SOX5: variants seen among roughly 807,000 people sequenced by gnomAD.
SOX5 encodes SRY-box transcription factor 5, also known as transcription factor SOX-5.
Under a neutral mutation model 92.0 loss-of-function variants are expected in SOX5, and 9 were observed. That is an observed-to-expected ratio of 0.10 (90% CI 0.06 to 0.17). The LOEUF is 0.17. Among genes scored for constraint, SOX5 ranks in the 10% least tolerant of loss-of-function variants. SOX5 has a pLI of 1.00. For missense variants in SOX5, 642 were observed against 944.5 expected (o/e 0.68, Z 4.20); for synonymous variants, 344 against 336.3 (o/e 1.02, Z -0.25).
chr12:24,179,580 T>C (rs1290238555), intron 4 of SOX5, among the ~76,000 whole-genome samples: 4 of 152,340 alleles, frequency 2.6e-5, no homozygotes, highest in East Asian at 1.9e-4. Context: ...CATCCCATCA[T>C]GTATACAAAA....
chr12:24,389,443 C>T (rs1005314327), intron 1 of SOX5, among the ~76,000 whole-genome samples: 2 of 152,104 alleles, frequency 1.3e-5, no homozygotes, highest in African/African-American at 4.8e-5. Flanking sequence ...TTTTAAGTTC[C>T]AGAGTACATG....
At chr12:24,379,103 G>T (rs1396081392) in intron 1 of SOX5, among the ~76,000 whole-genome samples, 1 of 152,164 alleles carries the variant, frequency 6.6e-6, no homozygotes, top group Non-Finnish European at 1.5e-5. Context: ...AACATACACT[G>T]CACCCAAATA....
intron 7 of SOX5, among the ~76,000 whole-genome samples, chr12:23,642,344 T>C (rs79379961): frequency 0.025 from 3,806 of 152,280 alleles, 151 homozygotes; most frequent in African/African-American, 0.087. Flanking sequence ...TAATATATAA[T>C]GGCAGTTAAG....
At chr12:23,677,434 C>T (rs1245351741) in intron 6 of SOX5, among the ~76,000 whole-genome samples, 1 of 152,052 alleles carries the variant, frequency 6.6e-6, no homozygotes, top group African/African-American at 2.4e-5. Flanking sequence ...CACTGTGTGC[C>T]ATTAAACACA....
At chr12:24,135,098 T>C (rs138514682) in intron 4 of SOX5, among the ~76,000 whole-genome samples, 151 of 152,250 alleles carry the variant, frequency 9.9e-4, no homozygotes, top group Non-Finnish European at 2.0e-3. Context: ...AATTACAAAA[T>C]GCCATTAAGG....
intron 4 of SOX5, among the ~76,000 whole-genome samples, chr12:24,020,995 C>T (rs1445057250): frequency 2.0e-5 from 3 of 152,186 alleles, no homozygotes; most frequent in Non-Finnish European, 2.9e-5. Context: ...GGCAAAAAGC[C>T]TGCAGACTTT....
chr12:23,844,261 T>C (rs1183371617), intron 3 of SOX5, among the ~76,000 whole-genome samples: 1 of 152,210 alleles, frequency 6.6e-6, no homozygotes, highest in African/African-American at 2.4e-5. Flanking sequence ...CAGGAAAATA[T>C]CAAAATTCAA....
intron 4 of SOX5, among the ~76,000 whole-genome samples, chr12:24,053,990 T>A (rs1309039098): frequency 6.6e-6 from 1 of 152,208 alleles, no homozygotes; most frequent in African/African-American, 2.4e-5. Flanking sequence ...CCCCAAGCTC[T>A]ATGGCTCTGA....
rs571506876 is a variant in SOX5 at position 24,321,463 on chromosome 12, A to C, written c.-173-44151T>G. Among the ~76,000 whole-genome samples the C allele has an allele frequency of 3.7e-4, 56 of 152,336 alleles. No individual in the cohort carries two copies. The South Asian group carries it at 7.7e-3, about 21-fold the overall frequency. On this transcript the variant is annotated intron_variant, in intron 2 of 4. Transcript: ENST00000446891. ...AAACATTTAACATTCTAATTTGTTC[A>C]CATGTAAGTGTTTAAATGCTTACTA...
chr12:24,337,258 C>G (rs1952015220), intron 2 of SOX5, among the ~76,000 whole-genome samples: 1 of 151,946 alleles, frequency 6.6e-6, no homozygotes. Flanking sequence ...AAATCAGACA[C>G]TATTTCTAGT....
At chr12:24,299,354 CT>C (rs1947690988) in intron 2 of SOX5, among the ~76,000 whole-genome samples, 1 of 152,102 alleles carries the variant, frequency 6.6e-6, no homozygotes, top group South Asian at 2.1e-4. Context: ...AGACCCAAGT[CT>C]GAAAGAATGA....
intron 3 of SOX5, among the ~76,000 whole-genome samples, chr12:24,216,204 C>T (rs535724336): frequency 6.6e-6 from 1 of 152,174 alleles, no homozygotes; most frequent in South Asian, 2.1e-4. Context: ...AAAATCCCGG[C>T]CGGGCGCGGT....
chr12:24,397,969 C>T (rs1180709755), intron 1 of SOX5, among the ~76,000 whole-genome samples: 2 of 152,096 alleles, frequency 1.3e-5, no homozygotes, highest in African/African-American at 2.4e-5. Context: ...CCTGCCTCAA[C>T]CTCCCAAGTA....
At chr12:23,635,047 G>A (rs532638453) in intron 8 of SOX5, among the ~76,000 whole-genome samples, 2 of 152,294 alleles carry the variant, frequency 1.3e-5, no homozygotes, top group Admixed American at 1.3e-4. Flanking sequence ...ATGCTAGAAA[G>A]TATGATTTAA....
chr12:24,316,041 T>G (rs529008537), intron 2 of SOX5, among the ~76,000 whole-genome samples: 20 of 152,228 alleles, frequency 1.3e-4, no homozygotes, highest in Non-Finnish European at 2.9e-4. Context: ...TCAAAAGCTC[T>G]GTAGCCTCTG....
intron 3 of SOX5, among the ~76,000 whole-genome samples, chr12:24,255,213 T>C (rs1940940478): frequency 1.3e-5 from 2 of 152,210 alleles, no homozygotes; most frequent in African/African-American, 2.4e-5. Flanking sequence ...TGTATATGTA[T>C]ATGTGTCTTT....
chr12:23,740,089 C>A (rs1254552922), intron 5 of SOX5, among the ~76,000 whole-genome samples: 1 of 152,130 alleles, frequency 6.6e-6, no homozygotes, highest in African/African-American at 2.4e-5. Flanking sequence ...TTTAAACCAC[C>A]ATTTCTCTGT....
At chr12:24,219,222 T>G (rs1408502101) in intron 3 of SOX5, among the ~76,000 whole-genome samples, 2 of 152,014 alleles carry the variant, frequency 1.3e-5, no homozygotes, top group Admixed American at 1.3e-4. Context: ...TTAGAAAGAA[T>G]AAGATCTAGT....
intron 4 of SOX5, among the ~76,000 whole-genome samples, chr12:24,202,073 T>G (rs950268151): frequency 2.6e-5 from 4 of 152,222 alleles, no homozygotes; most frequent in Non-Finnish European, 4.4e-5. Context: ...CAAACAGTCT[T>G]GCTAGATCAT....
Sources: gnomAD v4.1 joint callset for allele counts (sites outside exome capture counted in the v4.1 genomes callset) on GRCh38, gnomAD v4.1.1 for gene constraint, MANE v1.5 for transcripts, NCBI Gene and HGNC (gene_info 2026-07-23, HGNC 2026-07-21) for gene names.